Variants in LRRC7 observed in about 807,000 individuals in gnomAD.
LRRC7 encodes the protein leucine-rich repeat-containing protein 7.
LRRC7 carries 23 observed loss-of-function variants against 175.7 expected under a neutral mutation model. The ratio of observed to expected loss-of-function variants is 0.13; its 90% CI spans 0.09 to 0.19. LRRC7 has a LOEUF of 0.19. LRRC7 is among the 10% of genes least tolerant of loss of function. LRRC7 has a pLI of 1.00. For missense variants in LRRC7, 1,354 were observed against 1,904.7 expected (o/e 0.71, Z 5.38); for synonymous variants, 685 against 680.9 (o/e 1.01, Z -0.09).
chr1:69,676,272 A>G (rs927619220), intron 1 of LRRC7, among the ~76,000 whole-genome samples: 9 of 152,122 alleles, frequency 5.9e-5, no homozygotes, highest in Non-Finnish European at 1.0e-4. Context: ...TCTCTATGCT[A>G]CTAATCCTAG....
At chr1:69,618,082 G>A (rs1649969412) in intron 1 of LRRC7, among the ~76,000 whole-genome samples, 1 of 152,090 alleles carries the variant, frequency 6.6e-6, no homozygotes, top group Non-Finnish European at 1.5e-5. Flanking sequence ...AGGGAGTGGT[G>A]TCCCTTAATT....
intron 1 of LRRC7, among the ~76,000 whole-genome samples, chr1:69,674,136 G>GTA (rs1659472463): frequency 6.6e-6 from 1 of 152,050 alleles, no homozygotes; most frequent in Non-Finnish European, 1.5e-5. Context: ...AGCCTCCTGA[G>GTA]TATAGATATT....
At chr1:70,068,142 T>A (rs1214469825) in intron 23 of LRRC7, among the ~76,000 whole-genome samples, 1 of 152,196 alleles carries the variant, frequency 6.6e-6, no homozygotes, top group East Asian at 1.9e-4. Flanking sequence ...TTCAGCACTA[T>A]GCTGAATAAG....
intron 26 of LRRC7, among the ~76,000 whole-genome samples, chr1:70,112,680 G>A (rs1665601341): frequency 6.6e-6 from 1 of 152,176 alleles, no homozygotes; most frequent in Non-Finnish European, 1.5e-5. Context: ...GGGAGAGGGA[G>A]AGGAGACCTG....
chr1:69,886,440 C>T (rs2101628826), intron 7 of LRRC7, among the ~76,000 whole-genome samples: 1 of 151,828 alleles, frequency 6.6e-6, no homozygotes, highest in Non-Finnish European at 1.5e-5. Context: ...GGATTGCAAG[C>T]CCTGCCTTTT....
At position 70,134,668 on chromosome 1, in the gene LRRC7, A is replaced by G. The variant is rs1666796725; in HGVS notation, c.*12781A>G. 6.6e-6 allele frequency among the ~76,000 whole-genome samples: 1 copy of G among 152,236 alleles called. No homozygotes were observed. Among genetic ancestry groups the G allele is most frequent in the African/African-American group, 2.4e-5 (1 of 41,456 alleles). ...TCTAGCCACATGATCACCAGATACT[A>G]ATACAGAATACTCTTTCTTAGCAAA... is the stretch of plus-strand genomic sequence containing the variant. On this transcript the variant is annotated 3_prime_UTR_variant, in exon 27 of 27. Coordinates refer to ENST00000651989, the MANE Select transcript of LRRC7 (RefSeq NM_001370785.2).
chr1:69,980,517 T>C, intron 9 of LRRC7, 64 bp downstream of exon 9: 4 of 1,216,574 alleles, frequency 3.3e-6, no homozygotes, highest in Non-Finnish European at 4.8e-6. Flanking sequence ...TATTTGATCA[T>C]AATCTCAACT....
intron 2 of LRRC7, among the ~76,000 whole-genome samples, chr1:69,750,551 A>G (rs899192248): frequency 6.6e-6 from 1 of 152,154 alleles, no homozygotes; most frequent in Non-Finnish European, 1.5e-5. Context: ...GCCTTAGTTC[A>G]TTTGTGCTGC....
chr1:70,078,092 T>C lies in LRRC7; in HGVS notation c.4452+1794T>C, dbSNP rs569399589. On this transcript the variant is annotated intron_variant, in intron 24 of 26. Coordinates refer to ENST00000651989, the MANE Select transcript of LRRC7 (RefSeq NM_001370785.2). ...GTGAGGACTTGGAATGTTCTCAACA[T>C]AGAGAAATGATAAATACTCGTGGTG... Among the ~76,000 whole-genome samples, 3 of 152,300 alleles carry C rather than the reference T, an allele frequency of 2.0e-5. No individual in the cohort carries two copies. The East Asian group carries it at 5.8e-4, about 29-fold the overall frequency.
chr1:69,913,642 G>A (rs1383846648), intron 7 of LRRC7, among the ~76,000 whole-genome samples: 1 of 152,042 alleles, frequency 6.6e-6, no homozygotes, highest in Non-Finnish European at 1.5e-5. Context: ...CACCCAAGTA[G>A]CTGGGATTAC....
Position 69,993,551 on chromosome 1 carries a change from A to T in LRRC7, c.932-1010A>T, listed in dbSNP as rs537925393. Reference sequence around the variant, plus strand: ...GCACCACACACACACACACAAAGACACACACATGAATTCCATAATAAATCT... The same window carrying T: ...GCACCACACACACACACACAAAGACTCACACATGAATTCCATAATAAATCT... On this transcript the variant is annotated intron_variant, in intron 10 of 26. Coordinates refer to ENST00000651989, the MANE Select transcript of LRRC7 (RefSeq NM_001370785.2). Among the ~76,000 whole-genome samples the T allele has an allele frequency of 2.0e-5, 3 of 152,316 alleles. No individual in the cohort carries two copies. In the South Asian group the frequency reaches 6.2e-4, roughly 32 times the overall value.
At chr1:70,098,236 G>A (rs1449427525) in intron 25 of LRRC7, among the ~76,000 whole-genome samples, 1 of 152,036 alleles carries the variant, frequency 6.6e-6, no homozygotes, top group Non-Finnish European at 1.5e-5. Flanking sequence ...TTTTTCATGT[G>A]TTTTTTGGCT....
chr1:69,773,496 G>A (rs1377867763), intron 3 of LRRC7, among the ~76,000 whole-genome samples: 1 of 152,016 alleles, frequency 6.6e-6, no homozygotes, highest in African/African-American at 2.4e-5. Flanking sequence ...ATGAAATTTG[G>A]GATTAAAGAG....
chr1:69,599,157 G>T (rs1314891563), intron 1 of LRRC7, among the ~76,000 whole-genome samples: 1 of 151,794 alleles, frequency 6.6e-6, no homozygotes, highest in African/African-American at 2.4e-5. Context: ...AAAAGGGCCA[G>T]ATAGGATAAG....
intron 1 of LRRC7, among the ~76,000 whole-genome samples, chr1:69,569,028 C>T (rs1645622078): frequency 1.3e-5 from 2 of 151,840 alleles, no homozygotes; most frequent in Non-Finnish European, 2.9e-5. Flanking sequence ...AGCTTTTTTC[C>T]CAGAGGTGTC....
intron 23 of LRRC7, among the ~76,000 whole-genome samples, chr1:70,065,302 C>T (rs1661886106): frequency 6.6e-6 from 1 of 151,840 alleles, no homozygotes. Flanking sequence ...TTAACTTTGT[C>T]TTTATTGGCC....
intron 2 of LRRC7, among the ~76,000 whole-genome samples, chr1:69,749,818 C>A (rs954303473): frequency 1.7e-4 from 26 of 151,894 alleles, no homozygotes; most frequent in African/African-American, 6.3e-4. Context: ...AATCCCAGCA[C>A]TTTGGGAGGC....
intron 1 of LRRC7, among the ~76,000 whole-genome samples, chr1:69,574,784 T>G (rs1645878393): frequency 6.6e-6 from 1 of 152,158 alleles, no homozygotes. Context: ...TTTTGAGCAC[T>G]CATAAAATTA....
At position 69,908,591 on chromosome 1, in the gene LRRC7, C is replaced by G. The variant is rs566077627; in HGVS notation, c.648-22916C>G. 4.4e-3 allele frequency among the ~76,000 whole-genome samples: 670 copies of G among 151,868 alleles called. 4 individuals carry two copies. Among genetic ancestry groups the G allele is most frequent in the South Asian group, 0.021 (100 of 4,786 alleles). On this transcript the variant is annotated intron_variant, in intron 7 of 26. Transcript: ENST00000651989. ...AGCGGTTTTGAGTGAGTTTGTTAGTCCTGAGTTCTAGTTTGATTGCACTGT... is the reference window on the plus strand; with the variant it reads ...AGCGGTTTTGAGTGAGTTTGTTAGTGCTGAGTTCTAGTTTGATTGCACTGT...
Sources: allele counts gnomAD v4.1 joint callset (sites outside exome capture counted in the v4.1 genomes callset), GRCh38; gene constraint gnomAD v4.1.1; transcripts MANE v1.5; gene names NCBI Gene and HGNC (gene_info 2026-07-23, HGNC 2026-07-21).